The following TNKS1BP1 variants were observed in gnomAD, a reference collection of about 807,000 sequenced individuals.
TNKS1BP1 encodes 182 kDa tankyrase-1-binding protein.
A neutral mutation model predicts 141.1 loss-of-function variants in TNKS1BP1; 48 were observed. The observed-to-expected ratio is 0.34, with a 90% CI of 0.27 to 0.43. The LOEUF is 0.43. TNKS1BP1 is among the 20% of genes least tolerant of loss of function. The probability of loss-of-function intolerance (pLI) is 1.00; values close to 1 mark genes in which losing one functional copy is unlikely to be tolerated. For synonymous variants in TNKS1BP1, 875 were observed against 898.2 expected, an observed-to-expected ratio of 0.97 and a Z score of 0.46; for missense variants, 2,149 against 2,226.0, an observed-to-expected ratio of 0.97 and a Z score of 0.70.
At chr11:57,323,773 T>G (rs1855920844) in intron 1 of TNKS1BP1, among the ~76,000 whole-genome samples, 1 of 152,128 alleles carries the variant, frequency 6.6e-6, no homozygotes, top group South Asian at 2.1e-4. Context: ...AAACACAAGA[T>G]TGTTTCCTTG....
intron 6 of TNKS1BP1, among the ~76,000 whole-genome samples, chr11:57,307,422 C>A (rs1292026035): frequency 6.6e-6 from 1 of 152,120 alleles, no homozygotes; most frequent in Non-Finnish European, 1.5e-5. Flanking sequence ...TCCCCCTGGG[C>A]ATCTCACTGG....
chr11:57,319,827 C>G (rs1590595510), intron 3 of TNKS1BP1, among the ~76,000 whole-genome samples: 1 of 151,562 alleles, frequency 6.6e-6, no homozygotes, highest in East Asian at 1.9e-4. Context: ...CATTTGAACT[C>G]TCTAACATAA....
chr11:57,322,573 A>T (rs889631132), intron 1 of TNKS1BP1, among the ~76,000 whole-genome samples: 3 of 152,104 alleles, frequency 2.0e-5, no homozygotes, highest in East Asian at 1.9e-4. Flanking sequence ...TCTGGAATAT[A>T]TTTTTTTCTT....
intron 6 of TNKS1BP1, among the ~76,000 whole-genome samples, chr11:57,306,566 C>G (rs1855613857): frequency 6.6e-6 from 1 of 152,216 alleles, no homozygotes; most frequent in Admixed American, 6.5e-5. Flanking sequence ...TCGAACTCCT[C>G]TCTAAAGCAA....
chr11:57,310,369 C>T lies in TNKS1BP1; in HGVS notation c.2342G>A (p.Gly781Glu), dbSNP rs1855686804. The T allele has an allele frequency of 1.2e-6, 2 of 1,614,002 alleles. No homozygotes were observed. Among genetic ancestry groups the T allele is most frequent in the East Asian group, 2.2e-5 (1 of 44,894 alleles). ...CTCCCTGGTGCTCCCTTCCCCTGCT[C>T]CTTGCCCATACTTGCTGGTCCAGTC... ...ERDWTSKYGQ[G>E]AGEGSTREWA... Residue 781 changes from glycine (G) to glutamate (E), a missense_variant, in exon 6 of 12, where the codon GGA becomes GAA. Gly to Glu is a moderately conservative substitution (Grantham distance 98). Transcript: ENST00000358252.
intron 2 of TNKS1BP1, among the ~76,000 whole-genome samples, chr11:57,321,453 C>T (rs1855885343): frequency 6.6e-6 from 1 of 152,180 alleles, no homozygotes; most frequent in Non-Finnish European, 1.5e-5. Context: ...AGAGTCTACA[C>T]AAGGAGCCAG....
At chr11:57,304,729 G>A (rs1379976547) in intron 6 of TNKS1BP1, among the ~76,000 whole-genome samples, 3 of 151,600 alleles carry the variant, frequency 2.0e-5, no homozygotes, top group Admixed American at 2.0e-4. Flanking sequence ...AATTAGCCAG[G>A]CATGGTGGCA....
intron 3 of TNKS1BP1, 125 bp downstream of exon 3, chr11:57,319,954 C>T: frequency 7.5e-7 from 1 of 1,330,754 alleles, no homozygotes; most frequent in East Asian, 2.3e-5. Flanking sequence ...TCACAGCACA[C>T]AACCAACCTA....
rs1219336061 is a variant in TNKS1BP1 at position 57,312,533 on chromosome 11, C to G, written c.2154+1G>C. The G allele has an allele frequency of 6.7e-7, 1 of 1,484,354 alleles. No homozygotes were observed. Among genetic ancestry groups the G allele is most frequent in the Admixed American group, 2.5e-5 (1 of 40,776 alleles). 91.9% of individuals were successfully genotyped at this position (1,484,354 alleles called of 1,614,324 possible). A position where few individuals can be genotyped will look rare whatever the true frequency, so the allele number is the denominator to read the frequency against. ...CCCATTCTCCCTATGCCCATTCTCA[C>G]CTCAGAGCAGGTACTTGGGGACTGT... On this transcript the variant is annotated splice_donor_variant, in intron 5 of 11. Transcript: ENST00000358252. LOFTEE classifies it high-confidence loss of function.
At chr11:57,306,900 T>TGG (rs1269510241) in intron 6 of TNKS1BP1, among the ~76,000 whole-genome samples, 3 of 1,468 alleles carry the variant, frequency 2.0e-3, no homozygotes, top group Admixed American at 7.5e-3. Flanking sequence ...AGAGCTGTGG[T>TGG]GGTGGGGGGG....
At chr11:57,322,833 T>C (rs1026331102) in intron 1 of TNKS1BP1, among the ~76,000 whole-genome samples, 2 of 152,134 alleles carry the variant, frequency 1.3e-5, no homozygotes, top group Admixed American at 6.5e-5. Context: ...ACAGCCTATG[T>C]ATGAAAAGGG....
At chr11:57,301,701 G>C in intron 9 of TNKS1BP1, 106 bp downstream of exon 9, 8 of 1,450,368 alleles carry the variant, frequency 5.5e-6, no homozygotes, top group Non-Finnish European at 7.5e-6. Context: ...AGGAATGGGA[G>C]AGGGGGACAG....
intron 6 of TNKS1BP1, among the ~76,000 whole-genome samples, chr11:57,305,634 G>A (rs757059921): frequency 6.6e-6 from 1 of 152,084 alleles, no homozygotes; most frequent in Non-Finnish European, 1.5e-5. Context: ...GACAGGGAGG[G>A]TGCCCAGAGA....
Position 57,312,616 on chromosome 11 carries a change from G to A in TNKS1BP1, c.2072C>T (p.Ser691Leu). Reference protein sequence around the residue: ...SSRWLDDLLASPPPSGGGARR... With the variant: ...SSRWLDDLLALPPPSGGGARR... ...TGCACCGCCACCACTGGGTGGTGGTGAAGCCAGGAGGTCGTCCAGCCAGCG... is the reference window on the plus strand; with the variant it reads ...TGCACCGCCACCACTGGGTGGTGGTAAAGCCAGGAGGTCGTCCAGCCAGCG... Residue 691 changes from serine to leucine, a missense_variant, in exon 5 of 12, where the codon TCA becomes TTA. Ser to Leu is a moderately radical substitution (Grantham distance 145, BLOSUM62 -2). Transcript: ENST00000358252. 1 of 1,565,204 alleles carries A rather than the reference G, an allele frequency of 6.4e-7. No homozygotes were observed. Among genetic ancestry groups the A allele is most frequent in the Non-Finnish European group, 8.6e-7 (1 of 1,157,754 alleles).
chr11:57,320,694 G>A lies in TNKS1BP1; in HGVS notation c.113C>T (p.Pro38Leu). Residue 38 changes from proline to leucine, a missense_variant, in exon 3 of 12, where the codon CCC becomes CTC. Coordinates refer to ENST00000358252, the MANE Select transcript of TNKS1BP1 (RefSeq NM_033396.3). ...GGCCCGGGGTTTGGGCTTGACAGGG[G>A]GTTTGGCCCGAGTGTCACCTACCAA... is the stretch of plus-strand genomic sequence containing the variant. ...GSEPGDTRAK[P>L]PVKPKPRALP... 1.9e-6 allele frequency: 3 copies of A among 1,593,876 alleles called. No individual in the cohort carries two copies. The highest frequency in any genetic ancestry group is 1.1e-5 in the South Asian group (1 of 89,632).
At position 57,308,845 on chromosome 11, in the gene TNKS1BP1, T is replaced by C. The variant is rs564322099; in HGVS notation, c.3866A>G (p.Asn1289Ser). The change falls in exon 6 of 12, where the codon AAC becomes AGC. Residue 1289 changes from asparagine (N) to serine (S), a missense_variant. Physicochemically the swap from Asn to Ser is conservative, Grantham distance 46. Coordinates refer to ENST00000358252, the MANE Select transcript of TNKS1BP1 (RefSeq NM_033396.3). ...ADWTPDLGLR[N>S]MAPGAVCSPG... ...ACTGCAGACTGCCCCTGGGGCCATG[T>C]TTCTCAGCCCAAGGTCAGGTGTCCA... 8 of 1,614,066 alleles carry C rather than the reference T, an allele frequency of 5.0e-6. No homozygotes were observed. The South Asian group carries it at 8.8e-5, about 18-fold the overall frequency.
intron 4 of TNKS1BP1, among the ~76,000 whole-genome samples, chr11:57,315,023 C>T (rs1212823161): frequency 2.0e-5 from 3 of 152,258 alleles, no homozygotes; most frequent in Middle Eastern, 6.8e-3. Context: ...AAAACCATAA[C>T]CGCTGCATCA....
Position 57,321,947 on chromosome 11 carries a change from A to G in TNKS1BP1, c.-62T>C. On this transcript the variant is annotated 5_prime_UTR_variant, in exon 2 of 12. Coordinates refer to ENST00000358252, the MANE Select transcript of TNKS1BP1 (RefSeq NM_033396.3). The stretch of plus-strand genomic sequence containing the variant: ...GAGAGGTATGAGCTGGGGTGGCTGC[A>G]GACCTAGGAAAAGAGAGAGAAGAGA... 6.3e-7 allele frequency: 1 copy of G among 1,594,878 alleles called. No individual in the cohort carries two copies. The highest frequency in any genetic ancestry group is 8.5e-7 in the Non-Finnish European group (1 of 1,171,506).
Position 57,313,782 on chromosome 11 carries a change from G to A in TNKS1BP1, c.906C>T (p.Pro302=). 6.3e-7 allele frequency: 1 copy of A among 1,595,194 alleles called. No homozygotes were observed. Among genetic ancestry groups the A allele is most frequent in the East Asian group, 2.2e-5 (1 of 44,532 alleles). ...AACTCTTATCAGGCGGGTGAAGATG[G>A]GGAGAGCCAGGGCCTGAGCCTGAGG... ...AEASGSGPGS[P]HLHPPDKSSP... The change falls in exon 5 of 12, where the codon CCC becomes CCT. Residue 302 remains proline, a synonymous_variant. Transcript: ENST00000358252.
Sources: allele counts gnomAD v4.1 joint callset (sites outside exome capture counted in the v4.1 genomes callset), GRCh38; gene constraint gnomAD v4.1.1; transcripts MANE v1.5; gene names NCBI Gene and HGNC (gene_info 2026-07-23, HGNC 2026-07-21).